PDE10A: variants seen among roughly 807,000 people sequenced by gnomAD.
PDE10A encodes the protein cAMP and cAMP-inhibited cGMP 3',5'-cyclic phosphodiesterase 10A.
In PDE10A, 39 loss-of-function variants were observed where a neutral mutation model predicts 97.7. The observed-to-expected ratio is 0.40, with a 90% confidence interval of 0.31 to 0.52. The LOEUF is 0.52. PDE10A is among the 20% of genes least tolerant of loss of function. The probability of loss-of-function intolerance (pLI) is 0.56; values close to 1 mark genes in which losing one functional copy is unlikely to be tolerated. For missense variants in PDE10A, 731 were observed against 1,047.8 expected (o/e 0.70, Z 4.17); for synonymous variants, 371 against 376.8 (o/e 0.98, Z 0.18).
At chr6:165,681,661 A>T (rs970387923) in intron 1 of PDE10A, among the ~76,000 whole-genome samples, 1 of 152,214 alleles carries the variant, frequency 6.6e-6, no homozygotes, top group Non-Finnish European at 1.5e-5. Flanking sequence ...CTTTTTCTAA[A>T]AAAAGCAAAT....
rs138384761 is a variant in PDE10A, at chr6:165,839,231, G to A, written c.-615+148298C>T. ...GAGTTAATATTCAAAAGTACTTTAC[G>A]CTTTAAATAGTGTCTTTCAGCAGAG... is the stretch of plus-strand genomic sequence containing the variant. On this transcript the variant is annotated intron_variant, in intron 1 of 19. Transcript: ENST00000366882. 2.9e-3 allele frequency among the ~76,000 whole-genome samples: 443 copies of A among 152,232 alleles called. 2 individuals are homozygous for A. Among genetic ancestry groups the A allele is most frequent in the African/African-American group, 9.6e-3 (398 of 41,554 alleles).
At chr6:165,660,268 C>G (rs775510934) in intron 1 of PDE10A, 1 of 152,428 alleles carries the variant, frequency 6.6e-6, no homozygotes, top group Non-Finnish European at 1.5e-5. Flanking sequence ...CTGACCACAT[C>G]TCTGGCCAAC....
At chr6:165,812,732 T>C (rs1174756690) in intron 1 of PDE10A, among the ~76,000 whole-genome samples, 2 of 152,226 alleles carry the variant, frequency 1.3e-5, no homozygotes, top group African/African-American at 2.4e-5. Context: ...TAAGGTACAA[T>C]TTATTGATCA....
At chr6:165,795,852 T>C (rs79071351) in intron 1 of PDE10A, among the ~76,000 whole-genome samples, 1 of 152,136 alleles carries the variant, frequency 6.6e-6, no homozygotes, top group Non-Finnish European at 1.5e-5. Flanking sequence ...GCAGTGACCT[T>C]GGTATACAGA....
At chr6:165,765,259 G>A (rs997776528) in intron 1 of PDE10A, among the ~76,000 whole-genome samples, 16 of 152,392 alleles carry the variant, frequency 1.0e-4, no homozygotes, top group African/African-American at 3.8e-4. Context: ...AGGTGGAGCT[G>A]CCCGCCAGTC....
chr6:165,696,999 GAGA>G (rs1791458457), intron 1 of PDE10A, among the ~76,000 whole-genome samples: 1 of 152,106 alleles, frequency 6.6e-6, no homozygotes, highest in Non-Finnish European at 1.5e-5. Flanking sequence ...GAAGAACAGA[GAGA>G]AGAATAGAAA....
Position 165,581,511 on chromosome 6 carries a change from C to G in PDE10A, c.866-37943G>C, listed in dbSNP as rs79794957. ...CCAGGGAGAGGGCCCTCCCCAGGAA[C>G]TGCATCAGCCAGCACCATGGTCTCT... On this transcript the variant is annotated intron_variant, in intron 1 of 21. Coordinates refer to ENST00000539869, the MANE Select transcript of PDE10A (RefSeq NM_001385079.1). 9.5e-3 allele frequency among the ~76,000 whole-genome samples: 1,454 copies of G among 152,350 alleles called. 27 individuals are homozygous for G. Among genetic ancestry groups the G allele is most frequent in the African/African-American group, 0.033 (1,386 of 41,576 alleles).
chr6:165,639,468 T>A (rs1374242937), intron 1 of PDE10A, among the ~76,000 whole-genome samples: 1 of 152,162 alleles, frequency 6.6e-6, no homozygotes, highest in Non-Finnish European at 1.5e-5. Context: ...CAGGATGCAG[T>A]GGCTCACACC....
At chr6:165,975,881 G>A (rs751538891) in intron 1 of PDE10A, among the ~76,000 whole-genome samples, 6 of 152,206 alleles carry the variant, frequency 3.9e-5, no homozygotes, top group Admixed American at 6.5e-5. Context: ...TTGCGTGTGG[G>A]TAGAGCTGTT....
At chr6:165,426,554 T>C (rs894898954) in intron 10 of PDE10A, among the ~76,000 whole-genome samples, 2 of 152,172 alleles carry the variant, frequency 1.3e-5, no homozygotes, top group African/African-American at 2.4e-5. Flanking sequence ...TAAATTCTCA[T>C]GATCTCTAAT....
At chr6:165,668,154 G>A (rs966637638), upstream of PDE10A, among the ~76,000 whole-genome samples, 3 of 152,146 alleles carry the variant, frequency 2.0e-5, no homozygotes, top group Non-Finnish European at 4.4e-5. Context: ...AGAATAATAA[G>A]CCTAAAAGAC....
intron 17 of PDE10A, among the ~76,000 whole-genome samples, chr6:165,382,828 G>T (rs950957462): frequency 3.9e-5 from 6 of 152,018 alleles, no homozygotes; most frequent in African/African-American, 1.2e-4. Context: ...ACAAATATAT[G>T]CCTAAAAGAG....
intron 1 of PDE10A, among the ~76,000 whole-genome samples, chr6:165,829,322 G>A (rs1455891802): frequency 6.6e-6 from 1 of 152,228 alleles, no homozygotes; most frequent in Non-Finnish European, 1.5e-5. Flanking sequence ...TAACCATTAA[G>A]GGGCTCATGA....
chr6:165,349,416 G>T (rs549045379), intron 18 of PDE10A, among the ~76,000 whole-genome samples: 18 of 152,172 alleles, frequency 1.2e-4, no homozygotes, highest in Admixed American at 1.0e-3. Flanking sequence ...TAGGAACTGT[G>T]GAACTTTGAA....
chr6:165,725,977 A>G (rs73030218), intron 1 of PDE10A, among the ~76,000 whole-genome samples: 1,882 of 152,318 alleles, frequency 0.012, 19 homozygotes, highest in Middle Eastern at 0.02. Flanking sequence ...ACGGAGTTCA[A>G]TTGGCACTAC....
chr6:165,698,922 A>G (rs1347168807), intron 1 of PDE10A, among the ~76,000 whole-genome samples: 1 of 152,196 alleles, frequency 6.6e-6, no homozygotes, highest in Non-Finnish European at 1.5e-5. Context: ...AGTAAAGGAG[A>G]AGTAGAAGGA....
intron 1 of PDE10A, among the ~76,000 whole-genome samples, chr6:165,977,540 A>G (rs1784887352): frequency 6.6e-6 from 1 of 152,202 alleles, no homozygotes; most frequent in African/African-American, 2.4e-5. Context: ...ACAGACTTCT[A>G]TTATGGGTAA....
Position 165,588,282 on chromosome 6 carries a change from T to TTTTTTTC in PDE10A, c.866-44715_866-44714insGAAAAAA, listed in dbSNP as rs1176567772. 6.2e-5 allele frequency among the ~76,000 whole-genome samples: 2 copies of TTTTTTTC among 32,172 alleles called. 1 individual carries two copies. The allele number at this position is 32,172 out of a possible 152,430, so 21.1% of individuals were successfully genotyped here. On this transcript the variant is annotated intron_variant, in intron 1 of 21. Transcript: ENST00000539869. ...GGAAATAAAGTGAGATTTTTTTTTC[T>TTTTTTTC]TTTTTTTTTTTTTTTTTTTTTTTTT... is the stretch of plus-strand genomic sequence containing the variant.
intron 1 of PDE10A, among the ~76,000 whole-genome samples, chr6:165,911,498 CA>C (rs369329250): frequency 4.7e-4 from 72 of 152,342 alleles, no homozygotes; most frequent in African/African-American, 1.7e-3. Flanking sequence ...TCTGGTTACA[CA>C]GGCAGGTCTT....
Sources: gnomAD v4.1 joint callset for allele counts (sites outside exome capture counted in the v4.1 genomes callset) on GRCh38, gnomAD v4.1.1 for gene constraint, MANE v1.5 for transcripts, NCBI Gene and HGNC (gene_info 2026-07-23, HGNC 2026-07-21) for gene names.